CHM: variants seen among roughly 807,000 people sequenced by gnomAD.
The protein encoded by CHM is rab proteins geranylgeranyltransferase component A 1.
CHM carries 10 observed loss-of-function variants against 49.0 expected under a neutral mutation model. The observed-to-expected ratio is 0.20, with a 90% CI of 0.13 to 0.35. The LOEUF (loss-of-function observed/expected upper bound fraction) is 0.35, where lower values mean the gene tolerates loss of function less well. CHM is among the 10% of genes least tolerant of loss of function. CHM has a pLI of 1.00. For missense variants in CHM, 455 were observed against 478.4 expected, an observed-to-expected ratio of 0.95 and a Z score of 0.46; for synonymous variants, 184 against 167.5, an observed-to-expected ratio of 1.10 and a Z score of -0.76.
intron 1 of CHM, among the ~76,000 whole-genome samples, chrX:86,028,155 A>G (rs1933912872): frequency 8.9e-6 from 1 of 112,442 alleles, no homozygotes; most frequent in African/African-American, 3.2e-5. Flanking sequence ...ATTACCATCA[A>G]TGAGCAACTG....
chrX:85,871,030 G>A (rs1191786296), intron 14 of CHM, among the ~76,000 whole-genome samples: 3 of 109,928 alleles, frequency 2.7e-5, no homozygotes, highest in Non-Finnish European at 5.7e-5. Flanking sequence ...TGAAGAAATC[G>A]GGCCGGGTGT....
intron 14 of CHM, among the ~76,000 whole-genome samples, chrX:85,865,461 C>T (rs1306985089): frequency 8.9e-6 from 1 of 111,841 alleles, no homozygotes; most frequent in Non-Finnish European, 1.9e-5. Context: ...TACAAATTAC[C>T]TAGTCTCAGG....
rs1487188345 is a variant in CHM at position 85,871,320 on chromosome X, A to AAAAAAAAAAAAAAAAAAAAAAAAAAAAAG, written c.1770+1731_1770+1732insCTTTTTTTTTTTTTTTTTTTTTTTTTTTT. Among the ~76,000 whole-genome samples the AAAAAAAAAAAAAAAAAAAAAAAAAAAAAG allele has an allele frequency of 4.9e-5, 5 of 102,994 alleles. 1 individual carries two copies. Among genetic ancestry groups the AAAAAAAAAAAAAAAAAAAAAAAAAAAAAG allele is most frequent in the African/African-American group, 1.9e-4 (5 of 26,375 alleles). 89.4% of individuals were successfully genotyped at this position (102,994 alleles called of 115,157 possible). ...AGACTGTCTCAAAAAAAAAAAAAAA[A>AAAAAAAAAAAAAAAAAAAAAAAAAAAAAG]AAGAAGAAATCTGCATGGGCTTGTG... On this transcript the variant is annotated intron_variant, in intron 14 of 14. Coordinates refer to ENST00000357749, the MANE Select transcript of CHM (RefSeq NM_000390.4).
chrX:85,900,286 T>A (rs1166455588), intron 11 of CHM, among the ~76,000 whole-genome samples: 1 of 111,747 alleles, frequency 8.9e-6, no homozygotes, highest in Non-Finnish European at 1.9e-5. Flanking sequence ...TACTGCATGA[T>A]TGCACTTATA....
At chrX:85,897,222 G>T (rs754084640) in intron 11 of CHM, among the ~76,000 whole-genome samples, 19 of 96,000 alleles carry the variant, frequency 2.0e-4, no homozygotes, top group African/African-American at 7.3e-4. Flanking sequence ...CAGCATATAT[G>T]AAAGTATATA....
chrX:85,893,578 A>T (rs1925621123), intron 12 of CHM, among the ~76,000 whole-genome samples: 1 of 111,428 alleles, frequency 9.0e-6, no homozygotes, highest in African/African-American at 3.3e-5. Context: ...AGTTATTAAG[A>T]GGTAGGGGCT....
intron 1 of CHM, among the ~76,000 whole-genome samples, chrX:86,043,937 T>C (rs144682658): frequency 2.3e-4 from 26 of 111,530 alleles, no homozygotes; most frequent in Non-Finnish European, 4.3e-4. Flanking sequence ...GTTTATCCTA[T>C]GCAGTAGAAA....
intron 8 of CHM, among the ~76,000 whole-genome samples, chrX:85,924,092 G>A (rs1447226893): frequency 9.0e-6 from 1 of 111,123 alleles, no homozygotes; most frequent in African/African-American, 3.3e-5. Flanking sequence ...TAAGTACAAT[G>A]AGTAGTACAA....
At chrX:85,986,401 G>A (rs1264108424) in intron 2 of CHM, among the ~76,000 whole-genome samples, 2 of 111,753 alleles carry the variant, frequency 1.8e-5, no homozygotes, top group Non-Finnish European at 3.8e-5. Flanking sequence ...CACTCAAAGG[G>A]GAGAGGAACC....
intron 8 of CHM, among the ~76,000 whole-genome samples, chrX:85,951,256 A>C (rs1333851287): frequency 5.4e-5 from 6 of 111,704 alleles, no homozygotes; most frequent in Non-Finnish European, 7.5e-5. Flanking sequence ...AAAACAAAGG[A>C]GATAATAAAG....
At chrX:86,020,569 A>G (rs1264473552) in intron 2 of CHM, among the ~76,000 whole-genome samples, 1 of 106,687 alleles carries the variant, frequency 9.4e-6, no homozygotes, top group African/African-American at 3.4e-5. Flanking sequence ...CATATTACAA[A>G]TATATATTAC....
At chrX:85,969,408 G>T in intron 4 of CHM, 1 of 725,292 alleles carries the variant, frequency 1.4e-6, no homozygotes, top group Non-Finnish European at 1.6e-6. Flanking sequence ...GTCTGTTCAA[G>T]ATCTAAAACT....
At chrX:85,869,194 CT>C (rs1428493183) in intron 14 of CHM, among the ~76,000 whole-genome samples, 3 of 111,692 alleles carry the variant, frequency 2.7e-5, no homozygotes, top group African/African-American at 9.8e-5. Context: ...TGTTTACATG[CT>C]TTTCTCCTTT....
At chrX:85,967,433 A>G (rs1473215371) in intron 4 of CHM, among the ~76,000 whole-genome samples, 7 of 112,022 alleles carry the variant, frequency 6.2e-5, no homozygotes, top group Non-Finnish European at 1.1e-4. Context: ...TTGGAGTTCT[A>G]AGATATTACA....
chrX:85,949,978 AATATATATATATATATATAT>A (rs200318878), intron 8 of CHM, among the ~76,000 whole-genome samples: 7 of 42,807 alleles, frequency 1.6e-4, no homozygotes, highest in African/African-American at 4.1e-4. Context: ...ACTGAAATTA[AATATATATATATATATATAT>A]ATATATATAT....
chrX:85,891,416 A>T (rs1925449399), intron 12 of CHM, among the ~76,000 whole-genome samples: 1 of 111,198 alleles, frequency 9.0e-6, no homozygotes, highest in Non-Finnish European at 1.9e-5. Flanking sequence ...GTCCCCCCAT[A>T]TTGTGTGCAG....
At chrX:85,994,205 C>T (rs1239129268) in intron 2 of CHM, among the ~76,000 whole-genome samples, 1 of 112,212 alleles carries the variant, frequency 8.9e-6, no homozygotes, top group African/African-American at 3.2e-5. Flanking sequence ...ACAGAAGTTA[C>T]TCTAAAACTC....
At chrX:85,951,470 A>G (rs1227582532) in intron 8 of CHM, among the ~76,000 whole-genome samples, 2 of 112,004 alleles carry the variant, frequency 1.8e-5, no homozygotes, top group Non-Finnish European at 3.8e-5. Context: ...AAGCATAAAA[A>G]AAAAAGATTG....
chrX:85,879,019 C>A lies in CHM; in HGVS notation c.1555G>T (p.Asp519Tyr). The part of the protein sequence containing the change: ...TCTSSKTARE[D>Y]LESVVQKLFV... ...AATTTCTGCACAACTGATTCTAAAT[C>A]TTCTCTTGCTGTTTTAGAAGATGTG... Residue 519 changes from aspartate (D) to tyrosine (Y), a missense_variant, in exon 13 of 15, where the codon GAT becomes TAT. Physicochemically the swap from Asp to Tyr is radical, Grantham distance 160. Transcript: ENST00000357749. The A allele has an allele frequency of 8.3e-7, 1 of 1,204,455 alleles. No homozygotes were observed.
Sources: allele counts gnomAD v4.1 joint callset (sites outside exome capture counted in the v4.1 genomes callset), GRCh38; gene constraint gnomAD v4.1.1; transcripts MANE v1.5; gene names NCBI Gene and HGNC (gene_info 2026-07-23, HGNC 2026-07-21).